AGBL1: variants seen among roughly 807,000 people sequenced by gnomAD.
AGBL1 encodes cytosolic carboxypeptidase 4.
Under a neutral mutation model 118.9 loss-of-function variants are expected in AGBL1, and 130 were observed. The observed-to-expected ratio is 1.09, with a 90% confidence interval of 0.95 to 1.26. AGBL1 has a LOEUF of 1.26. AGBL1 is among the 50% of genes most tolerant of loss of function. The pLI is 0.00. For missense variants in AGBL1, 1,584 were observed against 1,298.1 expected (o/e 1.22, Z -3.38); for synonymous variants, 555 against 478.9 (o/e 1.16, Z -2.08).
chr15:86,716,587 A>C (rs1035095890), intron 22 of AGBL1, among the ~76,000 whole-genome samples: 3 of 152,184 alleles, frequency 2.0e-5, no homozygotes, highest in African/African-American at 4.8e-5. Flanking sequence ...TAGAAAAAGC[A>C]GTAAGAAAAA....
intron 22 of AGBL1, among the ~76,000 whole-genome samples, chr15:86,791,599 T>C (rs1415232361): frequency 2.0e-5 from 3 of 152,058 alleles, no homozygotes; most frequent in African/African-American, 4.8e-5. Flanking sequence ...GCTAATGTCA[T>C]TGAAACTCTC....
intron 23 of AGBL1, among the ~76,000 whole-genome samples, chr15:86,952,787 T>A (rs1004239937): frequency 3.8e-4 from 58 of 152,256 alleles, no homozygotes; most frequent in African/African-American, 1.3e-3. Flanking sequence ...ATTTCCTAGA[T>A]TTTTAAAGAA....
intron 22 of AGBL1, among the ~76,000 whole-genome samples, chr15:86,677,589 A>G (rs2085871315): frequency 6.6e-6 from 1 of 152,092 alleles, no homozygotes; most frequent in Admixed American, 6.6e-5. Context: ...TGCTCTTCTC[A>G]GCCGAGCCCC....
At chr15:86,457,303 G>C (rs766124665) in intron 18 of AGBL1, among the ~76,000 whole-genome samples, 1 of 152,110 alleles carries the variant, frequency 6.6e-6, no homozygotes, top group Non-Finnish European at 1.5e-5. Context: ...TGAACAAAAG[G>C]CTTTTGGTTT....
chr15:86,477,160 C>T (rs1320181319), intron 18 of AGBL1, among the ~76,000 whole-genome samples: 1 of 152,014 alleles, frequency 6.6e-6, no homozygotes, highest in Non-Finnish European at 1.5e-5. Flanking sequence ...CCTAACATCA[C>T]AATTGAAAGA....
chr15:86,104,239 A>G (rs945807111), intron 1 of AGBL1, among the ~76,000 whole-genome samples: 1 of 152,134 alleles, frequency 6.6e-6, no homozygotes, highest in South Asian at 2.1e-4. Flanking sequence ...GGTAGTGCAT[A>G]CAGGTGCTGG....
intron 22 of AGBL1, among the ~76,000 whole-genome samples, chr15:86,805,822 G>A (rs1051700672): frequency 2.6e-5 from 4 of 152,118 alleles, no homozygotes; most frequent in African/African-American, 7.2e-5. Flanking sequence ...CTACCCAGTT[G>A]CAATCCCCAA....
chr15:86,086,842 ATATCTT>A (rs1377495787), intron 1 of AGBL1, among the ~76,000 whole-genome samples: 1 of 152,168 alleles, frequency 6.6e-6, no homozygotes. Flanking sequence ...CATTGTGTGA[ATATCTT>A]TATCCATTCT....
rs1326314779 is a variant in AGBL1, at chr15:86,907,343, AGCAGCTGTGTT to A, written c.*52_*62del. 6.6e-6 allele frequency: 1 copy of A among 152,232 alleles called. No homozygotes were observed. The highest frequency in any genetic ancestry group is 6.5e-5 in the Admixed American group (1 of 15,278). 9.4% of individuals were successfully genotyped at this position (152,232 alleles called of 1,614,324 possible). A position where few individuals can be genotyped will look rare whatever the true frequency, so the allele number is the denominator to read the frequency against. On this transcript the variant is annotated 3_prime_UTR_variant, in exon 23 of 23. Transcript: ENST00000614907. Reference sequence around the variant, plus strand: ...GTGTCTCCAACCATTGGATTGGACTAGCAGCTGTGTTGCTGCTTCTTCATCATCAGACACAC... The same window carrying A: ...GTGTCTCCAACCATTGGATTGGACTAGCTGCTTCTTCATCATCAGACACAC...
intron 18 of AGBL1, among the ~76,000 whole-genome samples, chr15:86,468,514 A>G (rs1240609668): frequency 1.3e-5 from 2 of 152,156 alleles, no homozygotes; most frequent in Admixed American, 1.3e-4. Context: ...AGGAGCTTGG[A>G]AACACCTGTT....
intron 23 of AGBL1, among the ~76,000 whole-genome samples, chr15:86,968,453 T>C (rs2081075787): frequency 6.6e-6 from 1 of 152,084 alleles, no homozygotes; most frequent in East Asian, 1.9e-4. Context: ...CATCGCATTT[T>C]GCAATGGATA....
intron 5 of AGBL1, among the ~76,000 whole-genome samples, chr15:86,188,719 T>A (rs1259340552): frequency 6.6e-6 from 1 of 152,170 alleles, no homozygotes; most frequent in Non-Finnish European, 1.5e-5. Flanking sequence ...AAATGGGAAG[T>A]GATAGCTTCT....
At chr15:86,120,897 T>A (rs545335911) in intron 1 of AGBL1, among the ~76,000 whole-genome samples, 71 of 147,124 alleles carry the variant, frequency 4.8e-4, no homozygotes, top group African/African-American at 1.7e-3. Flanking sequence ...TTTGCTTTTA[T>A]GGATTTTTTT....
chr15:86,156,335 G>T (rs1473203733), intron 4 of AGBL1, among the ~76,000 whole-genome samples: 1 of 152,154 alleles, frequency 6.6e-6, no homozygotes, highest in African/African-American at 2.4e-5. Context: ...TCCTCACAAG[G>T]TCTTTCTTCT....
intron 22 of AGBL1, among the ~76,000 whole-genome samples, chr15:86,830,300 G>C (rs1411309392): frequency 6.6e-6 from 1 of 151,988 alleles, no homozygotes; most frequent in Non-Finnish European, 1.5e-5. Context: ...ATCAACCTCT[G>C]AGAGGTTAAC....
intron 23 of AGBL1, among the ~76,000 whole-genome samples, chr15:86,965,077 T>C (rs2081035789): frequency 6.6e-6 from 1 of 152,146 alleles, no homozygotes; most frequent in African/African-American, 2.4e-5. Flanking sequence ...TTGTGAACAG[T>C]GCTGCAATAA....
chr15:86,674,200 T>C lies in AGBL1; in HGVS notation c.2995-73T>C. The C allele has an allele frequency of 2.1e-6, 3 of 1,416,454 alleles. No individual in the cohort carries two copies. The South Asian group carries it at 3.9e-5, about 18-fold the overall frequency. 87.7% of individuals were successfully genotyped at this position (1,416,454 alleles called of 1,614,324 possible). ...AAATGCCTGTGTGTAGAAGTCCTTC[T>C]TCCTAATTTCAAAGTGTCACCACTC... On this transcript the variant is annotated intron_variant, in intron 21 of 22. Transcript: ENST00000614907.
chr15:86,577,612 A>G (rs2084110247), intron 21 of AGBL1, among the ~76,000 whole-genome samples: 1 of 152,178 alleles, frequency 6.6e-6, no homozygotes, highest in Admixed American at 6.5e-5. Context: ...CTCTCCTGTC[A>G]TTGGCCTGGA....
At chr15:86,719,558 T>G (rs192840764) in intron 22 of AGBL1, among the ~76,000 whole-genome samples, 2 of 152,120 alleles carry the variant, frequency 1.3e-5, no homozygotes, top group African/African-American at 4.8e-5. Flanking sequence ...CTGAAGCTTT[T>G]CTCTCAGATC....
Sources: gnomAD v4.1 joint callset for allele counts (sites outside exome capture counted in the v4.1 genomes callset) on GRCh38, gnomAD v4.1.1 for gene constraint, MANE v1.5 for transcripts, NCBI Gene and HGNC (gene_info 2026-07-23, HGNC 2026-07-21) for gene names.